DMD: variants seen among roughly 807,000 people sequenced by gnomAD.
The protein encoded by DMD is dystrophin, also known as mutant dystrophin.
In DMD, 63 loss-of-function variants were observed where a neutral mutation model predicts 330.1. The observed-to-expected ratio is 0.19, with a 90% CI of 0.16 to 0.24. The LOEUF (loss-of-function observed/expected upper bound fraction) is 0.24. Among genes scored for constraint, DMD ranks in the 10% least tolerant of loss-of-function variants. The pLI, the probability that DMD is intolerant of heterozygous loss-of-function variation, is 1.00. For synonymous variants in DMD, 1,223 were observed against 959.8 expected (o/e 1.27, Z -5.07); for missense variants, 3,344 against 2,684.1 (o/e 1.25, Z -5.43).
At chrX:31,393,290 A>C (rs1038399787) in intron 60 of DMD, among the ~76,000 whole-genome samples, 1 of 110,348 alleles carries the variant, frequency 9.1e-6, no homozygotes, top group African/African-American at 3.3e-5. Context: ...AGCCTGGCCA[A>C]ATATGGTGAA....
At chrX:31,564,586 C>T (rs1026996618) in intron 55 of DMD, among the ~76,000 whole-genome samples, 1 of 111,555 alleles carries the variant, frequency 9.0e-6, no homozygotes, top group South Asian at 3.8e-4. Context: ...ATTTTTGAAT[C>T]ATCAAAATGA....
chrX:32,217,134 A>G, intron 43 of DMD, 71 bp from the exon 44 acceptor site: 5 of 1,081,082 alleles, frequency 4.6e-6, no homozygotes, highest in South Asian at 3.9e-5. Context: ...GATATAGCGT[A>G]TATTTTTTGG....
chrX:31,926,457 A>G (rs752285976), intron 47 of DMD, among the ~76,000 whole-genome samples: 3 of 111,121 alleles, frequency 2.7e-5, no homozygotes, highest in Non-Finnish European at 5.7e-5. Flanking sequence ...TGAGCAGATC[A>G]TGAGGTCAGG....
chrX:32,057,120 C>T (rs2096182467), intron 44 of DMD, among the ~76,000 whole-genome samples: 1 of 110,818 alleles, frequency 9.0e-6, no homozygotes, highest in African/African-American at 3.3e-5. Flanking sequence ...ATTACCGCAA[C>T]ATAATAAAAA....
chrX:32,762,761 G>C (rs186185651), intron 7 of DMD, among the ~76,000 whole-genome samples: 2 of 110,798 alleles, frequency 1.8e-5, no homozygotes, highest in Non-Finnish European at 3.8e-5. Context: ...ACAGGGTCTT[G>C]CTGGCTGCTT....
chrX:31,422,034 TATATATA>T (rs1569540529), intron 60 of DMD, among the ~76,000 whole-genome samples: 1,527 of 9,798 alleles, frequency 0.16, 78 homozygotes, highest in African/African-American at 0.18. Flanking sequence ...CACACATATA[TATATATA>T]TATTTTTTTT....
At position 32,946,635 on chromosome X, in the gene DMD, A is replaced by G. The variant is rs757412002; in HGVS notation, c.93+73504T>C. On this transcript the variant is annotated intron_variant, in intron 2 of 78. Transcript: ENST00000357033. ...CTAGACATTTTATAACAAAACAGAT[A>G]TATCAAATTAATCATATTCAATGAT... 4.9e-4 allele frequency among the ~76,000 whole-genome samples: 55 copies of G among 112,584 alleles called. 1 individual carries two copies. Among genetic ancestry groups the G allele is most frequent in the Middle Eastern group, 4.6e-3 (1 of 218 alleles).
chrX:33,184,329 A>G (rs2050142662), intron 1 of DMD, among the ~76,000 whole-genome samples: 1 of 112,119 alleles, frequency 8.9e-6, no homozygotes, highest in African/African-American at 3.2e-5. Context: ...TAATAAAATA[A>G]CGCACTATTC....
chrX:32,021,528 C>A (rs1282155140), intron 44 of DMD, among the ~76,000 whole-genome samples: 1 of 111,902 alleles, frequency 8.9e-6, no homozygotes, highest in African/African-American at 3.2e-5. Flanking sequence ...TGTTGGAACA[C>A]AGATGTTCAT....
chrX:32,742,031 G>C (rs766367357), intron 7 of DMD, among the ~76,000 whole-genome samples: 6 of 111,388 alleles, frequency 5.4e-5, no homozygotes, highest in Admixed American at 9.6e-5. Flanking sequence ...CATGTCAAAT[G>C]GTCCAACTCT....
chrX:32,188,018 G>A (rs2096955374), intron 44 of DMD, among the ~76,000 whole-genome samples: 1 of 110,665 alleles, frequency 9.0e-6, no homozygotes, highest in African/African-American at 3.3e-5. Flanking sequence ...TTTTTATCTG[G>A]TGACAAATAG....
intron 34 of DMD, among the ~76,000 whole-genome samples, chrX:32,370,547 T>C (rs1392278007): frequency 9.0e-6 from 1 of 111,052 alleles, no homozygotes; most frequent in Non-Finnish European, 1.9e-5. Context: ...GCTCTAACTA[T>C]AATGACAGTG....
At chrX:31,992,735 A>T in intron 44 of DMD, among the ~76,000 whole-genome samples, 1 of 111,045 alleles carries the variant, frequency 9.0e-6, no homozygotes, top group Non-Finnish European at 1.9e-5. Flanking sequence ...GAGGGTGAGA[A>T]GAGATGGATA....
In DMD at chrX:31,728,174, C is replaced by A. The variant is rs367706243; in HGVS notation, c.7660+1457G>T. ...AGTAGCTGGGACTACAGGCGCCCGC[C>A]ACCACGCCCGGCTAATTTTTTTTTG... On this transcript the variant is annotated intron_variant, in intron 52 of 78. Transcript: ENST00000357033. Among the ~76,000 whole-genome samples the A allele has an allele frequency of 8.1e-5, 9 of 111,801 alleles. No homozygotes were observed. The East Asian group carries it at 2.3e-3, about 28-fold the overall frequency.
At chrX:32,580,895 C>T (rs1016160597) in intron 13 of DMD, among the ~76,000 whole-genome samples, 2 of 110,793 alleles carry the variant, frequency 1.8e-5, no homozygotes, top group Non-Finnish European at 1.9e-5. Context: ...GGCGCGATCT[C>T]GGCTCACTGC....
chrX:31,293,204 AGTGTGTGT>A (rs559104990), intron 62 of DMD, among the ~76,000 whole-genome samples: 56 of 58,451 alleles, frequency 9.6e-4, no homozygotes, highest in East Asian at 5.9e-3. Context: ...AGTCTGGTTT[AGTGTGTGT>A]GTGTGTGTGT....
chrX:32,595,014 T>G (rs2055359042), intron 13 of DMD, among the ~76,000 whole-genome samples: 1 of 111,478 alleles, frequency 9.0e-6, no homozygotes, highest in Non-Finnish European at 1.9e-5. Flanking sequence ...TATCTTAAAG[T>G]CACATGACAC....
At chrX:32,906,140 T>G (rs772812017) in intron 2 of DMD, among the ~76,000 whole-genome samples, 2 of 111,997 alleles carry the variant, frequency 1.8e-5, no homozygotes, top group South Asian at 7.5e-4. Flanking sequence ...TGGGGCCTGG[T>G]GGCAGGTGAT....
At chrX:31,287,775 T>A (rs751048545) in intron 62 of DMD, among the ~76,000 whole-genome samples, 4 of 112,533 alleles carry the variant, frequency 3.6e-5, no homozygotes, top group African/African-American at 9.7e-5. Flanking sequence ...TTACATTTTT[T>A]AATTATATGC....
Sources: allele counts gnomAD v4.1 joint callset (sites outside exome capture counted in the v4.1 genomes callset), GRCh38; gene constraint gnomAD v4.1.1; transcripts MANE v1.5; gene names NCBI Gene and HGNC (gene_info 2026-07-23, HGNC 2026-07-21).